The following DRAM1 variants were observed in gnomAD, a reference collection of about 807,000 sequenced individuals.
The protein encoded by DRAM1 is DNA damage regulated autophagy modulator 1.
A neutral mutation model predicts 28.5 loss-of-function variants in DRAM1; 25 were observed. The observed-to-expected ratio is 0.88, with a 90% CI of 0.64 to 1.23. The LOEUF (loss-of-function observed/expected upper bound fraction) is 1.23. Ranked by LOEUF, DRAM1 falls within the 50% of genes most tolerant of loss-of-function variation. The pLI, the probability that DRAM1 is intolerant of heterozygous loss-of-function variation, is 0.00. For missense variants in DRAM1, 249 were observed against 299.2 expected (o/e 0.83, Z 1.24); for synonymous variants, 113 against 114.2 (o/e 0.99, Z 0.07).
intron 1 of DRAM1, among the ~76,000 whole-genome samples, chr12:101,878,187 G>A (rs1357825652): frequency 6.6e-6 from 1 of 152,126 alleles, no homozygotes; most frequent in East Asian, 1.9e-4. Flanking sequence ...TTTCATTCTG[G>A]GTATGGGACA....
In DRAM1 at chr12:101,921,160, C is replaced by A. The variant is rs367791024; in HGVS notation, c.673-56C>A. 47 of 1,256,430 alleles carry A rather than the reference C, an allele frequency of 3.7e-5. No homozygotes were observed. In the African/African-American group the frequency reaches 6.0e-4, roughly 16 times the overall value. The allele number at this position is 1,256,430 out of a possible 1,614,324, so 77.8% of individuals were successfully genotyped here. On this transcript the variant is annotated intron_variant, in intron 6 of 6. Coordinates refer to ENST00000258534, the MANE Select transcript of DRAM1 (RefSeq NM_018370.3). ...GCAGAGCTGTTGGAAATGTCATTGTCAACGCTGGGATTGTTTAACTTCTTT... is the reference window on the plus strand; with the variant it reads ...GCAGAGCTGTTGGAAATGTCATTGTAAACGCTGGGATTGTTTAACTTCTTT...
At chr12:101,879,034 G>A (rs769544998) in intron 1 of DRAM1, among the ~76,000 whole-genome samples, 44 of 151,750 alleles carry the variant, frequency 2.9e-4, no homozygotes, top group East Asian at 3.9e-4. Flanking sequence ...TTGTTCTGTC[G>A]CCCAGGCTGG....
At chr12:101,893,726 G>C (rs1014648104) in intron 1 of DRAM1, among the ~76,000 whole-genome samples, 1 of 151,896 alleles carries the variant, frequency 6.6e-6, no homozygotes, top group Non-Finnish European at 1.5e-5. Context: ...AATGGTGCCT[G>C]GTGGGTACAT....
intron 2 of DRAM1, among the ~76,000 whole-genome samples, chr12:101,901,078 GGTGTGTGTGTGT>G (rs67125604): frequency 0.29 from 41,711 of 142,950 alleles, 6,732 homozygotes; most frequent in East Asian, 0.57. Context: ...ACAGCCAAGG[GGTGTGTGTGTGT>G]GTGTGTGTGT....
intron 5 of DRAM1, among the ~76,000 whole-genome samples, chr12:101,916,433 G>A (rs574478196): frequency 6.6e-6 from 1 of 152,348 alleles, no homozygotes; most frequent in African/African-American, 2.4e-5. Context: ...GCACTCCGGT[G>A]GGCCTAGACT....
At chr12:101,888,835 C>T (rs1248929892) in intron 1 of DRAM1, among the ~76,000 whole-genome samples, 1 of 124,280 alleles carries the variant, frequency 8.0e-6, no homozygotes, top group Non-Finnish European at 1.6e-5. Context: ...GACAGGGTCT[C>T]ACTCTGTTGC....
intron 2 of DRAM1, among the ~76,000 whole-genome samples, chr12:101,899,600 G>A (rs1362127746): frequency 6.7e-6 from 1 of 150,312 alleles, no homozygotes; most frequent in African/African-American, 2.5e-5. Flanking sequence ...AATTGCCTGA[G>A]CCCAGGAGGT....
chr12:101,919,940 G>A (rs1874412689), intron 5 of DRAM1, 169 bp from the exon 6 acceptor site: 1 of 415,038 alleles, frequency 2.4e-6, no homozygotes, highest in African/African-American at 2.0e-5. Flanking sequence ...TCAGTGGGCA[G>A]GTGCCCTGAC....
chr12:101,908,394 A>C, intron 4 of DRAM1, 31 bp downstream of exon 4: 2 of 1,587,230 alleles, frequency 1.3e-6, no homozygotes, highest in African/African-American at 2.7e-5. Flanking sequence ...GCCTTGTTAA[A>C]GGAATAAAAC....
Position 101,915,751 on chromosome 12 carries a change from G to A in DRAM1, c.579+1519G>A, listed in dbSNP as rs566653015. 4.6e-5 allele frequency among the ~76,000 whole-genome samples: 7 copies of A among 151,870 alleles called. No homozygotes were observed. The South Asian group carries it at 6.3e-4, about 14-fold the overall frequency. Reference sequence around the variant, plus strand: ...TAGTTTTTGTATTTTTAGTAGAGACGGGATTTCACCGTGTTAGCCAGGATG... The same window carrying A: ...TAGTTTTTGTATTTTTAGTAGAGACAGGATTTCACCGTGTTAGCCAGGATG... On this transcript the variant is annotated intron_variant, in intron 5 of 6. Coordinates refer to ENST00000258534, the MANE Select transcript of DRAM1 (RefSeq NM_018370.3).
chr12:101,885,183 G>C (rs753879099), intron 1 of DRAM1, among the ~76,000 whole-genome samples: 1 of 152,106 alleles, frequency 6.6e-6, no homozygotes, highest in African/African-American at 2.4e-5. Context: ...CAAAGTGCTG[G>C]GATAACAGGC....
chr12:101,905,894 A>T (rs1205783457), intron 3 of DRAM1, among the ~76,000 whole-genome samples: 1 of 152,030 alleles, frequency 6.6e-6, no homozygotes, highest in Non-Finnish European at 1.5e-5. Flanking sequence ...GGGTCCAGTA[A>T]TTCTCCTGCC....
At chr12:101,880,818 A>G (rs1872663955) in intron 1 of DRAM1, among the ~76,000 whole-genome samples, 1 of 152,218 alleles carries the variant, frequency 6.6e-6, no homozygotes, top group African/African-American at 2.4e-5. Flanking sequence ...AGATGCTCAA[A>G]TCACAGACCC....
At chr12:101,880,903 C>T (rs1312029586) in intron 1 of DRAM1, among the ~76,000 whole-genome samples, 1 of 152,118 alleles carries the variant, frequency 6.6e-6, no homozygotes, top group African/African-American at 2.4e-5. Context: ...AGGCATGCCC[C>T]CTTGTTGCCA....
intron 4 of DRAM1, among the ~76,000 whole-genome samples, chr12:101,912,060 G>T (rs1455759125): frequency 4.6e-5 from 7 of 152,104 alleles, no homozygotes; most frequent in African/African-American, 1.4e-4. Context: ...CTAGCCAGGT[G>T]TGGTGGTGGG....
chr12:101,910,728 C>T (rs1206074922), intron 4 of DRAM1, among the ~76,000 whole-genome samples: 1 of 151,952 alleles, frequency 6.6e-6, no homozygotes, highest in African/African-American at 2.4e-5. Context: ...ATCCACCCGC[C>T]TCAGCCTCCC....
At chr12:101,907,250 AAGC>A (rs1489874426) in intron 3 of DRAM1, among the ~76,000 whole-genome samples, 1 of 151,764 alleles carries the variant, frequency 6.6e-6, no homozygotes, top group Non-Finnish European at 1.5e-5. Context: ...TGCATAACAA[AAGC>A]AGTGGTTTTA....
chr12:101,890,041 G>A (rs555193390), intron 1 of DRAM1: 1 of 453,372 alleles, frequency 2.2e-6, no homozygotes, highest in East Asian at 7.0e-5. Flanking sequence ...CCAAGGAAGT[G>A]TTCATTTCTA....
At chr12:101,912,929 T>C (rs1874099466) in intron 4 of DRAM1, among the ~76,000 whole-genome samples, 1 of 152,100 alleles carries the variant, frequency 6.6e-6, no homozygotes, top group African/African-American at 2.4e-5. Flanking sequence ...GGTTTCACCA[T>C]GTTGGTCAGA....
Sources: allele counts gnomAD v4.1 joint callset (sites outside exome capture counted in the v4.1 genomes callset), GRCh38; gene constraint gnomAD v4.1.1; transcripts MANE v1.5; gene names NCBI Gene and HGNC (gene_info 2026-07-23, HGNC 2026-07-21).